The following RBMS3 variants were observed in gnomAD, a reference collection of about 807,000 sequenced individuals.
RBMS3 encodes the protein RNA binding motif single stranded interacting protein 3, also known as RNA-binding motif, single-stranded-interacting protein 3.
In RBMS3, 27 loss-of-function variants were observed where a neutral mutation model predicts 66.8. The observed-to-expected ratio is 0.40, with a 90% CI of 0.30 to 0.56. The LOEUF (loss-of-function observed/expected upper bound fraction) is 0.56. Ranked by LOEUF, RBMS3 falls within the 20% of genes least tolerant of loss-of-function variation. The probability of loss-of-function intolerance (pLI) is 0.40; values close to 1 mark genes in which losing one functional copy is unlikely to be tolerated. For synonymous variants in RBMS3, 188 were observed against 183.0 expected (o/e 1.03, Z -0.22); for missense variants, 513 against 549.5 (o/e 0.93, Z 0.66).
intron 2 of RBMS3, among the ~76,000 whole-genome samples, chr3:29,458,109 T>A (rs1298900384): frequency 6.6e-6 from 1 of 152,192 alleles, no homozygotes; most frequent in African/African-American, 2.4e-5. Context: ...AATTCACAGT[T>A]CATTATGATT....
At chr3:29,920,528 T>C (rs534363575) in intron 10 of RBMS3, among the ~76,000 whole-genome samples, 1 of 152,346 alleles carries the variant, frequency 6.6e-6, no homozygotes, top group East Asian at 1.9e-4. Context: ...GATTTAACCA[T>C]GTGAGTTCAC....
chr3:29,925,808 C>T (rs2060922795), intron 10 of RBMS3, among the ~76,000 whole-genome samples: 1 of 152,122 alleles, frequency 6.6e-6, no homozygotes, highest in Non-Finnish European at 1.5e-5. Flanking sequence ...TATCCAGTCC[C>T]AGGCCATACG....
At chr3:29,794,227 G>A (rs893186538) in intron 6 of RBMS3, among the ~76,000 whole-genome samples, 1 of 152,086 alleles carries the variant, frequency 6.6e-6, no homozygotes, top group African/African-American at 2.4e-5. Flanking sequence ...TTTTGCTGAT[G>A]GACTGTTCCT....
intron 2 of RBMS3, among the ~76,000 whole-genome samples, chr3:29,457,898 C>G (rs980821737): frequency 2.0e-5 from 3 of 150,672 alleles, no homozygotes; most frequent in African/African-American, 7.3e-5. Flanking sequence ...CTTTTGCCTA[C>G]AGGCTTTTAT....
At chr3:29,737,860 G>A (rs1034876172) in intron 4 of RBMS3, among the ~76,000 whole-genome samples, 2 of 138,024 alleles carry the variant, frequency 1.4e-5, no homozygotes, top group African/African-American at 5.7e-5. Flanking sequence ...GTGTGTGTGT[G>A]TGTGTGTGTT....
At chr3:29,851,558 A>G (rs775057342) in intron 6 of RBMS3, among the ~76,000 whole-genome samples, 11 of 152,224 alleles carry the variant, frequency 7.2e-5, no homozygotes, top group Non-Finnish European at 1.0e-4. Context: ...TAAAGCATCT[A>G]CCACAATATC....
At chr3:30,002,217 C>A (rs1699644156) in intron 14 of RBMS3, among the ~76,000 whole-genome samples, 2 of 151,998 alleles carry the variant, frequency 1.3e-5, no homozygotes, top group African/African-American at 4.8e-5. Flanking sequence ...CAGTGAATAT[C>A]AAGTACTTGA....
chr3:29,582,335 A>G (rs2047361974), intron 3 of RBMS3, among the ~76,000 whole-genome samples: 2 of 152,218 alleles, frequency 1.3e-5, no homozygotes, highest in African/African-American at 4.8e-5. Flanking sequence ...GAATGAGTGT[A>G]TTTGGCAAAT....
At chr3:29,362,939 T>G (rs9784343) in intron 1 of RBMS3, among the ~76,000 whole-genome samples, 8,283 of 152,320 alleles carry the variant, frequency 0.054, 325 homozygotes, top group African/African-American at 0.1. Flanking sequence ...ATGATCTTGC[T>G]TTGTACAAAT....
intron 3 of RBMS3, among the ~76,000 whole-genome samples, chr3:29,524,415 A>ATTTTTTT (rs1222102515): frequency 7.0e-5 from 4 of 57,110 alleles, no homozygotes; most frequent in Non-Finnish European, 6.2e-5. Flanking sequence ...CTCCCTTTAC[A>ATTTTTTT]TTTTTTTTTT....
chr3:29,397,599 C>T (rs2039611451), intron 1 of RBMS3, among the ~76,000 whole-genome samples: 1 of 152,076 alleles, frequency 6.6e-6, no homozygotes, highest in Non-Finnish European at 1.5e-5. Context: ...CCTAAGACAG[C>T]CATGTCCCAA....
chr3:29,685,130 C>T (rs1224928244), intron 4 of RBMS3, among the ~76,000 whole-genome samples: 1 of 152,124 alleles, frequency 6.6e-6, no homozygotes, highest in Non-Finnish European at 1.5e-5. Flanking sequence ...GCGATCTCGG[C>T]TCACTGCAAG....
chr3:29,293,878 TC>T (rs2033026810), intron 1 of RBMS3, among the ~76,000 whole-genome samples: 1 of 151,532 alleles, frequency 6.6e-6, no homozygotes, highest in South Asian at 2.1e-4. Flanking sequence ...TTCAGTCTTT[TC>T]TTTTTTTTTT....
chr3:29,446,773 A>C (rs2041846732), intron 2 of RBMS3, among the ~76,000 whole-genome samples: 1 of 152,110 alleles, frequency 6.6e-6, no homozygotes, highest in Non-Finnish European at 1.5e-5. Flanking sequence ...TGATATTCTG[A>C]TATCACTTGG....
At chr3:29,639,264 A>G (rs2149192149) in intron 4 of RBMS3, among the ~76,000 whole-genome samples, 1 of 152,002 alleles carries the variant, frequency 6.6e-6, no homozygotes, top group African/African-American at 2.4e-5. Context: ...TTCATGTCTA[A>G]GGGAAAGGAG....
At chr3:29,747,109 T>C (rs554750712) in intron 5 of RBMS3, among the ~76,000 whole-genome samples, 162 of 152,324 alleles carry the variant, frequency 1.1e-3, no homozygotes, top group Non-Finnish European at 1.9e-3. Context: ...AGTCTGCTTC[T>C]GGCCAATAGA....
At chr3:29,864,360 T>G (rs949610588) in intron 6 of RBMS3, among the ~76,000 whole-genome samples, 5 of 152,174 alleles carry the variant, frequency 3.3e-5, no homozygotes, top group Admixed American at 2.0e-4. Flanking sequence ...TAGGAGATAA[T>G]GAAAGCCAAA....
intron 1 of RBMS3, among the ~76,000 whole-genome samples, chr3:29,410,264 A>G (rs1206051848): frequency 1.3e-5 from 2 of 152,244 alleles, no homozygotes; most frequent in Admixed American, 6.5e-5. Context: ...AAGTGCCACC[A>G]CTGAACTGCT....
chr3:29,762,134 A>C (rs2055715453), intron 5 of RBMS3, among the ~76,000 whole-genome samples: 1 of 152,146 alleles, frequency 6.6e-6, no homozygotes, highest in African/African-American at 2.4e-5. Context: ...GAGATGCCAA[A>C]ATTTGGCACA....
Sources: allele counts gnomAD v4.1 joint callset (sites outside exome capture counted in the v4.1 genomes callset), GRCh38; gene constraint gnomAD v4.1.1; transcripts MANE v1.5; gene names NCBI Gene and HGNC (gene_info 2026-07-23, HGNC 2026-07-21).